The following TENT4A variants were observed in gnomAD, a reference collection of about 807,000 sequenced individuals.
TENT4A encodes terminal nucleotidyltransferase 4A.
A neutral mutation model predicts 72.8 loss-of-function variants in TENT4A; 7 were observed. That is an observed-to-expected ratio of 0.10 (90% CI 0.05 to 0.18). TENT4A has a LOEUF of 0.18. Ranked by LOEUF, TENT4A falls within the 10% of genes least tolerant of loss-of-function variation. The pLI is 1.00. For missense variants in TENT4A, 831 were observed against 1,017.7 expected, an observed-to-expected ratio of 0.82 and a Z score of 2.50; for synonymous variants, 456 against 434.3, an observed-to-expected ratio of 1.05 and a Z score of -0.62.
intron 1 of TENT4A, among the ~76,000 whole-genome samples, chr5:6,722,087 T>C (rs1298604555): frequency 1.3e-5 from 2 of 152,274 alleles, no homozygotes; most frequent in Middle Eastern, 3.4e-3. Flanking sequence ...CGTGCTTGGC[T>C]CTTGAGAGCC....
chr5:6,747,295 G>A (rs751467569), intron 7 of TENT4A, among the ~76,000 whole-genome samples: 7 of 152,186 alleles, frequency 4.6e-5, no homozygotes, highest in Non-Finnish European at 8.8e-5. Flanking sequence ...TGTCCGCCCG[G>A]TTGCTGGCTG....
At chr5:6,715,336 CTA>C (rs1265519684) in intron 1 of TENT4A, among the ~76,000 whole-genome samples, 1 of 152,134 alleles carries the variant, frequency 6.6e-6, no homozygotes, top group Non-Finnish European at 1.5e-5. Context: ...TTAAATATTT[CTA>C]CATCCGCCTA....
At chr5:6,749,218 T>C (rs1375970501) in intron 8 of TENT4A, among the ~76,000 whole-genome samples, 1 of 152,062 alleles carries the variant, frequency 6.6e-6, no homozygotes, top group Non-Finnish European at 1.5e-5. Flanking sequence ...CTGGGCCCCA[T>C]GTAGGGCACT....
chr5:6,752,471 A>T (rs1040229301), intron 11 of TENT4A, among the ~76,000 whole-genome samples: 5 of 152,260 alleles, frequency 3.3e-5, no homozygotes, highest in Non-Finnish European at 7.3e-5. Context: ...GACAGCAGGC[A>T]AGGAAGGAAC....
At chr5:6,716,817 C>G (rs1740411008) in intron 1 of TENT4A, among the ~76,000 whole-genome samples, 1 of 152,248 alleles carries the variant, frequency 6.6e-6, no homozygotes, top group Non-Finnish European at 1.5e-5. Context: ...TGGTTTGATA[C>G]TGCAGTCATG....
Position 6,713,462 on chromosome 5 carries a change from C to T in TENT4A, c.-522C>T, listed in dbSNP as rs1228162927. On this transcript the variant is annotated 5_prime_UTR_variant, in exon 1 of 13. Transcript: ENST00000230859. ...CCCGCGCTGTCGCCGCCGAGAGTGT[C>T]TTTTCACCGCCGCCGCCGCCGCCGC... 1 of 149,604 alleles carries T rather than the reference C, an allele frequency of 6.7e-6. No homozygotes were observed. Among genetic ancestry groups the T allele is most frequent in the Non-Finnish European group, 1.5e-5 (1 of 67,898 alleles). 9.3% of individuals were successfully genotyped at this position (149,604 alleles called of 1,614,324 possible).
chr5:6,725,708 A>G (rs1049347449), intron 1 of TENT4A, among the ~76,000 whole-genome samples: 5 of 152,200 alleles, frequency 3.3e-5, no homozygotes, highest in Non-Finnish European at 7.3e-5. Flanking sequence ...AGAAAGCTCT[A>G]AAGTCACTCA....
In TENT4A at chr5:6,755,484, C is replaced by G. The variant is rs988546417; in HGVS notation, c.*539C>G. 1 of 152,642 alleles carries G rather than the reference C, an allele frequency of 6.6e-6. No homozygotes were observed. Among genetic ancestry groups the G allele is most frequent in the Non-Finnish European group, 1.5e-5 (1 of 68,034 alleles). The allele number at this position is 152,642 out of a possible 1,614,324, so 9.5% of individuals were successfully genotyped here. A position where few individuals can be genotyped will look rare whatever the true frequency, so the allele number is the denominator to read the frequency against. On this transcript the variant is annotated 3_prime_UTR_variant, in exon 13 of 13. Coordinates refer to ENST00000230859, the MANE Select transcript of TENT4A (RefSeq NM_006999.6). ...TTTTTTATTTAATTTCCTATTTTCACATAAGTTATATTTAAGGGAGGAGGG... is the reference window on the plus strand; with the variant it reads ...TTTTTTATTTAATTTCCTATTTTCAGATAAGTTATATTTAAGGGAGGAGGG...
chr5:6,752,810 G>C (rs1413526171), intron 11 of TENT4A, 63 bp from the exon 12 acceptor site: 2 of 1,496,820 alleles, frequency 1.3e-6, no homozygotes, highest in East Asian at 4.6e-5. Flanking sequence ...GCTGAGCTTA[G>C]AAGCCGGATG....
chr5:6,749,805 G>A (rs1742297897), intron 9 of TENT4A, 148 bp downstream of exon 9: 1 of 621,908 alleles, frequency 1.6e-6, no homozygotes, highest in East Asian at 2.7e-5. Context: ...ATAAGATCTA[G>A]AGCAGCACTG....
chr5:6,735,434 C>T (rs1489096374), intron 1 of TENT4A, among the ~76,000 whole-genome samples: 1 of 152,146 alleles, frequency 6.6e-6, no homozygotes, highest in African/African-American at 2.4e-5. Flanking sequence ...AGGGATCCAC[C>T]CAGACGTTCT....
intron 4 of TENT4A, among the ~76,000 whole-genome samples, chr5:6,741,086 C>A (rs765253268): frequency 5.9e-5 from 9 of 152,168 alleles, no homozygotes; most frequent in African/African-American, 9.7e-5. Context: ...GGAACTAAGG[C>A]GCGGCTGTCC....
At chr5:6,752,016 G>T (rs183255946) in intron 11 of TENT4A, among the ~76,000 whole-genome samples, 1 of 152,188 alleles carries the variant, frequency 6.6e-6, no homozygotes, top group Admixed American at 6.5e-5. Flanking sequence ...ACACCGTAAC[G>T]TGTCTAATTG....
intron 12 of TENT4A, among the ~76,000 whole-genome samples, chr5:6,754,178 G>GT (rs1000560685): frequency 6.6e-6 from 1 of 152,096 alleles, no homozygotes; most frequent in Admixed American, 6.5e-5. Context: ...TCTTACTTCT[G>GT]TTTTTTTGGA....
At chr5:6,719,626 C>T (rs555186393) in intron 1 of TENT4A, among the ~76,000 whole-genome samples, 1 of 152,320 alleles carries the variant, frequency 6.6e-6, no homozygotes, top group South Asian at 2.1e-4. Context: ...CCTTGAGAAG[C>T]ACCTCAGGGA....
chr5:6,721,024 A>G (rs1418877569), intron 1 of TENT4A, among the ~76,000 whole-genome samples: 1 of 152,242 alleles, frequency 6.6e-6, no homozygotes, highest in Non-Finnish European at 1.5e-5. Context: ...AAACTCCCAC[A>G]CGGTTCTTCC....
At chr5:6,716,707 G>A (rs942077484) in intron 1 of TENT4A, among the ~76,000 whole-genome samples, 10 of 152,168 alleles carry the variant, frequency 6.6e-5, no homozygotes, top group African/African-American at 2.4e-4. Context: ...ATGCCCCTAG[G>A]TCCTGGCTCC....
intron 1 of TENT4A, among the ~76,000 whole-genome samples, chr5:6,721,648 C>T (rs1316500112): frequency 6.6e-6 from 1 of 152,144 alleles, no homozygotes; most frequent in African/African-American, 2.4e-5. Context: ...GGGGGTGGGC[C>T]ACATCTGGGC....
intron 11 of TENT4A, among the ~76,000 whole-genome samples, 192 bp from the exon 12 acceptor site, chr5:6,752,677 GTTGC>G (rs1742472758): frequency 6.6e-6 from 1 of 152,266 alleles, no homozygotes; most frequent in Admixed American, 6.5e-5. Context: ...TTATATGCCA[GTTGC>G]TGTTTTAGAA....
Sources: allele counts gnomAD v4.1 joint callset (sites outside exome capture counted in the v4.1 genomes callset), GRCh38; gene constraint gnomAD v4.1.1; transcripts MANE v1.5; gene names NCBI Gene and HGNC (gene_info 2026-07-23, HGNC 2026-07-21).